The following LDB2 variants were observed in gnomAD, a reference collection of about 807,000 sequenced individuals.
LDB2 encodes the protein LIM domain-binding protein 2.
In LDB2, 12 loss-of-function variants were observed where a neutral mutation model predicts 44.3. That is an observed-to-expected ratio of 0.27 (90% CI 0.17 to 0.44). The LOEUF is 0.44. LDB2 is among the 20% of genes least tolerant of loss of function. The probability of loss-of-function intolerance (pLI) is 1.00; values close to 1 mark genes in which losing one functional copy is unlikely to be tolerated. For missense variants in LDB2, 344 were observed against 473.5 expected (o/e 0.73, Z 2.54); for synonymous variants, 164 against 174.8 (o/e 0.94, Z 0.49).
intron 2 of LDB2, among the ~76,000 whole-genome samples, chr4:16,656,305 G>C (rs1422316233): frequency 6.6e-6 from 1 of 152,148 alleles, no homozygotes; most frequent in Non-Finnish European, 1.5e-5. Context: ...TGATATTTGG[G>C]TTCTGAGTAC....
At chr4:16,841,273 T>A (rs1785846765) in intron 1 of LDB2, among the ~76,000 whole-genome samples, 2 of 152,220 alleles carry the variant, frequency 1.3e-5, no homozygotes, top group African/African-American at 4.8e-5. Context: ...ATAGCCAGTA[T>A]ACTAAGGTCT....
chr4:16,883,963 T>A (rs1000031377), intron 1 of LDB2, among the ~76,000 whole-genome samples: 4 of 152,102 alleles, frequency 2.6e-5, no homozygotes, highest in Non-Finnish European at 4.4e-5. Flanking sequence ...AGGCTAAAAA[T>A]AGCTCAGTCA....
chr4:16,780,761 C>T (rs973265961), intron 1 of LDB2, among the ~76,000 whole-genome samples: 9 of 151,120 alleles, frequency 6.0e-5, no homozygotes, highest in Non-Finnish European at 1.0e-4. Flanking sequence ...CATGAACACA[C>T]ATTCCACGTG....
intron 2 of LDB2, among the ~76,000 whole-genome samples, chr4:16,701,815 A>T (rs986342045): frequency 6.6e-6 from 1 of 152,158 alleles, no homozygotes; most frequent in Non-Finnish European, 1.5e-5. Context: ...CTCTTCTGTA[A>T]GTTCGGGATA....
intron 2 of LDB2, among the ~76,000 whole-genome samples, chr4:16,746,574 G>T (rs1216228221): frequency 2.6e-5 from 4 of 152,190 alleles, no homozygotes; most frequent in Non-Finnish European, 5.9e-5. Context: ...CTCACTGGAT[G>T]TCAGGAGTTT....
chr4:16,681,814 G>C (rs1471904334), intron 2 of LDB2, among the ~76,000 whole-genome samples: 1 of 151,730 alleles, frequency 6.6e-6, no homozygotes, highest in Non-Finnish European at 1.5e-5. Flanking sequence ...CTCGTGATCT[G>C]CCCGCCTTGG....
chr4:16,604,265 C>G (rs1020707845), intron 2 of LDB2, among the ~76,000 whole-genome samples: 3 of 152,092 alleles, frequency 2.0e-5, no homozygotes, highest in Non-Finnish European at 4.4e-5. Context: ...AATTTTAAAA[C>G]TTGTATTTCT....
intron 2 of LDB2, among the ~76,000 whole-genome samples, chr4:16,697,304 A>ACACACACACACACACAC: frequency 1.4e-5 from 1 of 72,966 alleles, no homozygotes. Context: ...CACACACACA[A>ACACACACACACACACAC]ATTAGCCAGG....
intron 1 of LDB2, among the ~76,000 whole-genome samples, chr4:16,804,568 A>G (rs749574291): frequency 2.0e-5 from 3 of 152,220 alleles, no homozygotes; most frequent in Non-Finnish European, 2.9e-5. Context: ...CTAAAGCAGA[A>G]TATAAAGCTC....
chr4:16,522,227 C>T lies in LDB2; in HGVS notation c.616-10123G>A, dbSNP rs114288172. Among the ~76,000 whole-genome samples the T allele has an allele frequency of 5.7e-3, 866 of 151,724 alleles. 5 individuals are homozygous for T. The highest frequency in any genetic ancestry group is 6.8e-3 in the Middle Eastern group (2 of 294). ...ACAGAAGACACTTTAAAACTTGGCA[C>T]GACCTACTTGTTAAAATTGTATAGA... On this transcript the variant is annotated intron_variant, in intron 5 of 7. Coordinates refer to ENST00000304523, the MANE Select transcript of LDB2 (RefSeq NM_001290.5).
At chr4:16,600,317 A>T (rs1722237075) in intron 2 of LDB2, among the ~76,000 whole-genome samples, 1 of 152,188 alleles carries the variant, frequency 6.6e-6, no homozygotes. Flanking sequence ...TTGTGCTCCT[A>T]TGAAAAGGAT....
chr4:16,842,605 A>G (rs963441025), intron 1 of LDB2, among the ~76,000 whole-genome samples: 8 of 152,220 alleles, frequency 5.3e-5, no homozygotes, highest in African/African-American at 1.9e-4. Context: ...AAATTTACAA[A>G]ACACTTTCAC....
chr4:16,601,096 A>T (rs559023567), intron 2 of LDB2, among the ~76,000 whole-genome samples: 7 of 152,316 alleles, frequency 4.6e-5, no homozygotes, highest in African/African-American at 1.4e-4. Context: ...CAAAGTTAAA[A>T]TAATAACAAA....
chr4:16,882,107 G>A (rs1002267022), intron 1 of LDB2, among the ~76,000 whole-genome samples: 4 of 152,118 alleles, frequency 2.6e-5, no homozygotes, highest in African/African-American at 4.8e-5. Context: ...CTCTGTCCTC[G>A]CTGCTCTCAA....
At chr4:16,817,043 G>T (rs779425056) in intron 1 of LDB2, among the ~76,000 whole-genome samples, 10 of 152,120 alleles carry the variant, frequency 6.6e-5, no homozygotes, top group Non-Finnish European at 1.2e-4. Flanking sequence ...TGAGCTCTTT[G>T]TGGGGGGAAC....
chr4:16,898,268 A>G, intron 1 of LDB2, 86 bp downstream of exon 1: 2 of 1,358,170 alleles, frequency 1.5e-6, no homozygotes, highest in Non-Finnish European at 2.1e-6. Context: ...GACACTTCCC[A>G]TAGAATTCAG....
intron 3 of LDB2, among the ~76,000 whole-genome samples, chr4:16,592,505 T>TATATATATATACAC (rs757702164): frequency 2.2e-4 from 24 of 107,980 alleles, no homozygotes; most frequent in African/African-American, 8.8e-4. Context: ...TATATATATA[T>TATATATATATACAC]ACACACACAC....
chr4:16,769,874 C>T (rs1449259449), intron 1 of LDB2, among the ~76,000 whole-genome samples: 1 of 152,006 alleles, frequency 6.6e-6, no homozygotes, highest in African/African-American at 2.4e-5. Context: ...GTGGATGCTG[C>T]CTTGAGAAAG....
At chr4:16,548,432 T>C (rs898651175) in intron 5 of LDB2, among the ~76,000 whole-genome samples, 4 of 152,218 alleles carry the variant, frequency 2.6e-5, no homozygotes, top group Admixed American at 6.5e-5. Context: ...GGACTTAGCT[T>C]TGATACAGCC....
Sources: gnomAD v4.1 joint callset for allele counts (sites outside exome capture counted in the v4.1 genomes callset) on GRCh38, gnomAD v4.1.1 for gene constraint, MANE v1.5 for transcripts, NCBI Gene and HGNC (gene_info 2026-07-23, HGNC 2026-07-21) for gene names.